Variants in SCG5 observed in about 807,000 individuals in gnomAD.
The protein encoded by SCG5 is neuroendocrine protein 7B2.
Under a neutral mutation model 25.7 loss-of-function variants are expected in SCG5, and 18 were observed. That is an observed-to-expected ratio of 0.70 (90% CI 0.48 to 1.04). The LOEUF (loss-of-function observed/expected upper bound fraction) is 1.04. SCG5 is among the 50% of genes least tolerant of loss of function. The pLI is 0.00. For synonymous variants in SCG5, 101 were observed against 91.7 expected (o/e 1.10, Z -0.58); for missense variants, 206 against 259.8 (o/e 0.79, Z 1.42).
chr15:32,648,817 G>C (rs2053990296), intron 2 of SCG5, among the ~76,000 whole-genome samples: 2 of 150,636 alleles, frequency 1.3e-5, no homozygotes, highest in Non-Finnish European at 3.0e-5. Flanking sequence ...TGTCCCCCAG[G>C]CTGGAGTGCA....
intron 2 of SCG5, among the ~76,000 whole-genome samples, chr15:32,659,714 A>C (rs565439710): frequency 2.6e-5 from 4 of 152,304 alleles, no homozygotes; most frequent in African/African-American, 7.2e-5. Context: ...TGTGTCAACA[A>C]GCCCTGCACG....
At chr15:32,675,273 T>C (rs1181676481) in intron 2 of SCG5, among the ~76,000 whole-genome samples, 1 of 152,224 alleles carries the variant, frequency 6.6e-6, no homozygotes, top group African/African-American at 2.4e-5. Context: ...ATTAATGGTA[T>C]TCTTTTCTCA....
chr15:32,672,550 A>G (rs1443947195), intron 2 of SCG5, among the ~76,000 whole-genome samples: 1 of 152,166 alleles, frequency 6.6e-6, no homozygotes, highest in Non-Finnish European at 1.5e-5. Context: ...TGCAGTAGTC[A>G]CTGACACCGG....
At chr15:32,682,538 G>T (rs188797804) in intron 3 of SCG5, among the ~76,000 whole-genome samples, 1 of 152,324 alleles carries the variant, frequency 6.6e-6, no homozygotes, top group African/African-American at 2.4e-5. Context: ...GCACTTAGGA[G>T]CTCTGAGAGG....
intron 2 of SCG5, among the ~76,000 whole-genome samples, chr15:32,648,976 T>C (rs984406326): frequency 1.3e-5 from 2 of 152,188 alleles, no homozygotes; most frequent in African/African-American, 4.8e-5. Flanking sequence ...TTTCACCGTG[T>C]TAGCCTCCTG....
intron 2 of SCG5, among the ~76,000 whole-genome samples, chr15:32,651,488 ACT>A (rs2054030362): frequency 6.6e-6 from 1 of 152,070 alleles, no homozygotes; most frequent in African/African-American, 2.4e-5. Context: ...TGTAGGGGAC[ACT>A]CCGTTTCTGG....
intron 2 of SCG5, among the ~76,000 whole-genome samples, chr15:32,659,163 G>A (rs963539179): frequency 3.3e-5 from 5 of 151,548 alleles, no homozygotes; most frequent in Admixed American, 6.6e-5. Flanking sequence ...GCGACAGAGC[G>A]AGACTCTGTC....
At position 32,652,412 on chromosome 15, in the gene SCG5, C is replaced by T. The variant is rs144662693; in HGVS notation, c.226+8594C>T. 3.2e-3 allele frequency among the ~76,000 whole-genome samples: 483 copies of T among 152,134 alleles called. 2 individuals are homozygous for T. Among genetic ancestry groups the T allele is most frequent in the Non-Finnish European group, 5.0e-3 (337 of 68,006 alleles). On this transcript the variant is annotated intron_variant, in intron 2 of 5. Coordinates refer to ENST00000300175, the MANE Select transcript of SCG5 (RefSeq NM_001144757.3). ...AGGGTGAATGATTTAGAGCTGAGGA[C>T]GGTTTCTGTTAAGGTTGTTTTAGGA...
At chr15:32,650,132 T>C (rs2054010993) in intron 2 of SCG5, among the ~76,000 whole-genome samples, 1 of 152,192 alleles carries the variant, frequency 6.6e-6, no homozygotes, top group African/African-American at 2.4e-5. Context: ...AGTCTTGCTC[T>C]TTCGCCCAGG....
At chr15:32,691,876 G>T (rs372852249) in intron 5 of SCG5, 113 bp downstream of exon 5, 49 of 1,527,062 alleles carry the variant, frequency 3.2e-5, no homozygotes, top group South Asian at 3.1e-4. Flanking sequence ...CCCTTGTGTA[G>T]TCCTGAGAAA....
chr15:32,684,813 C>T (rs2054676311), intron 4 of SCG5, 144 bp downstream of exon 4: 1 of 626,798 alleles, frequency 1.6e-6, no homozygotes, highest in South Asian at 2.0e-5. Context: ...GACAGAGCTT[C>T]AAGTCATGAC....
intron 2 of SCG5, chr15:32,665,945 A>G (rs2054311388): frequency 6.6e-6 from 1 of 152,232 alleles, no homozygotes; most frequent in Non-Finnish European, 1.5e-5. Context: ...AACATGCAGA[A>G]GAGCAGAAGG....
In SCG5 at chr15:32,688,970, A is replaced by AAGAAAAG. The variant is rs1555437410; in HGVS notation, c.490-2739_490-2738insGAAAAGA. On this transcript the variant is annotated intron_variant, in intron 4 of 5. Transcript: ENST00000300175. ...CAAGACTCCGTCTCAAAAAAAAAAAAAAAAGAAATTAATAGTTACTCTGTG... is the reference window on the plus strand; with the variant it reads ...CAAGACTCCGTCTCAAAAAAAAAAAAAGAAAAGAAAAGAAATTAATAGTTACTCTGTG... 7.5e-3 allele frequency among the ~76,000 whole-genome samples: 598 copies of AAGAAAAG among 79,396 alleles called. 7 individuals are homozygous for AAGAAAAG. Among genetic ancestry groups the AAGAAAAG allele is most frequent in the African/African-American group, 0.021 (575 of 27,756 alleles). 52.1% of individuals were successfully genotyped at this position (79,396 alleles called of 152,430 possible).
At chr15:32,691,849 G>C in intron 5 of SCG5, 86 bp downstream of exon 5, 1 of 1,558,552 alleles carries the variant, frequency 6.4e-7, no homozygotes, top group South Asian at 1.2e-5. Context: ...TCGCTTGTTG[G>C]GAAGTCACAG....
At chr15:32,646,011 G>A (rs1423148713) in intron 2 of SCG5, among the ~76,000 whole-genome samples, 2 of 151,812 alleles carry the variant, frequency 1.3e-5, no homozygotes, top group Non-Finnish European at 2.9e-5. Context: ...GTAGAGATGG[G>A]GTTTCACCGT....
At position 32,684,527 on chromosome 15, in the gene SCG5, C is replaced by T. The variant is rs201837802; in HGVS notation, c.377-30C>T. On this transcript the variant is annotated intron_variant, in intron 3 of 5. Coordinates refer to ENST00000300175, the MANE Select transcript of SCG5 (RefSeq NM_001144757.3). Reference sequence around the variant, plus strand: ...TTAGAATAATGATGAATGTCTTGGCCGTTCCTCAAAAACCTTTGGCTGTTT... The same window carrying T: ...TTAGAATAATGATGAATGTCTTGGCTGTTCCTCAAAAACCTTTGGCTGTTT... 2.8e-4 allele frequency: 382 copies of T among 1,359,954 alleles called. 1 individual carries two copies. The African/African-American group carries it at 4.7e-3, about 17-fold the overall frequency. The allele number at this position is 1,359,954 out of a possible 1,614,324, so 84.2% of individuals were successfully genotyped here.
At chr15:32,686,971 G>A (rs900249989) in intron 4 of SCG5, among the ~76,000 whole-genome samples, 1 of 152,184 alleles carries the variant, frequency 6.6e-6, no homozygotes, top group Non-Finnish European at 1.5e-5. Flanking sequence ...GCTGATTGGG[G>A]TAGTAGCCAC....
chr15:32,649,003 G>A (rs566160190), intron 2 of SCG5, among the ~76,000 whole-genome samples: 3 of 152,162 alleles, frequency 2.0e-5, no homozygotes, highest in African/African-American at 7.2e-5. Context: ...TGATCCTCCC[G>A]CCTTGGCCTC....
At chr15:32,649,868 G>A (rs1199967787) in intron 2 of SCG5, among the ~76,000 whole-genome samples, 1 of 152,144 alleles carries the variant, frequency 6.6e-6, no homozygotes, top group African/African-American at 2.4e-5. Flanking sequence ...GTGTAATCCT[G>A]GCAACTTTCT....
Sources: gnomAD v4.1 joint callset for allele counts (sites outside exome capture counted in the v4.1 genomes callset) on GRCh38, gnomAD v4.1.1 for gene constraint, MANE v1.5 for transcripts, NCBI Gene and HGNC (gene_info 2026-07-23, HGNC 2026-07-21) for gene names.